CDKAL1: variants seen among roughly 807,000 people sequenced by gnomAD.
CDKAL1 encodes the protein CDKAL1 threonylcarbamoyladenosine tRNA methylthiotransferase.
Under a neutral mutation model 68.2 loss-of-function variants are expected in CDKAL1, and 32 were observed. The observed-to-expected ratio is 0.47, with a 90% confidence interval of 0.35 to 0.63. CDKAL1 has a LOEUF of 0.63. CDKAL1 is among the 30% of genes least tolerant of loss of function. The pLI is 0.00. For missense variants in CDKAL1, 606 were observed against 696.7 expected (o/e 0.87, Z 1.47); for synonymous variants, 234 against 244.3 (o/e 0.96, Z 0.39).
At chr6:20,997,993 G>A (rs1481658157) in intron 10 of CDKAL1, among the ~76,000 whole-genome samples, 3 of 152,126 alleles carry the variant, frequency 2.0e-5, no homozygotes, top group Non-Finnish European at 4.4e-5. Flanking sequence ...AGCCCTATGA[G>A]GTGAATATTA....
chr6:20,585,295 G>A (rs1387291033), intron 4 of CDKAL1, among the ~76,000 whole-genome samples: 3 of 152,036 alleles, frequency 2.0e-5, no homozygotes, highest in South Asian at 2.1e-4. Context: ...CTCGTGATCC[G>A]CCCGCCTTGG....
intron 9 of CDKAL1, among the ~76,000 whole-genome samples, chr6:20,951,540 T>C (rs1764524231): frequency 6.6e-6 from 1 of 152,208 alleles, no homozygotes; most frequent in African/African-American, 2.4e-5. Context: ...GGCTTGTGTT[T>C]CATCTACAGG....
At chr6:20,989,028 T>TATGGCTA (rs1414381340) in intron 10 of CDKAL1, among the ~76,000 whole-genome samples, 3 of 151,854 alleles carry the variant, frequency 2.0e-5, no homozygotes, top group Admixed American at 2.0e-4. Context: ...TCATTGGCCA[T>TATGGCTA]CCCAAGTCAT....
chr6:20,626,710 T>G (rs541378018), intron 4 of CDKAL1, among the ~76,000 whole-genome samples: 157 of 152,280 alleles, frequency 1.0e-3, no homozygotes, highest in Non-Finnish European at 2.0e-3. Context: ...GCAGGGCTAT[T>G]GTTCTGTAAT....
At chr6:20,928,315 C>G (rs1763273339) in intron 9 of CDKAL1, among the ~76,000 whole-genome samples, 1 of 152,160 alleles carries the variant, frequency 6.6e-6, no homozygotes, top group Non-Finnish European at 1.5e-5. Context: ...AACTAGTTTT[C>G]TAGTGGTAAA....
intron 5 of CDKAL1, among the ~76,000 whole-genome samples, chr6:20,680,649 T>G (rs945233904): frequency 5.3e-5 from 8 of 152,244 alleles, no homozygotes; most frequent in African/African-American, 1.9e-4. Flanking sequence ...TTATTAATAC[T>G]GAATGTTATC....
At chr6:21,197,943 C>A in intron 13 of CDKAL1, 78 bp from the exon 14 acceptor site, 1 of 844,988 alleles carries the variant, frequency 1.2e-6, no homozygotes, top group Non-Finnish European at 1.9e-6. Context: ...CCTACCTGGG[C>A]TAGCCTTTAT....
chr6:21,118,450 A>G (rs981004963), intron 13 of CDKAL1, among the ~76,000 whole-genome samples: 21 of 152,220 alleles, frequency 1.4e-4, no homozygotes, highest in African/African-American at 5.1e-4. Context: ...GATGATTACC[A>G]ACCTCCAACA....
intron 9 of CDKAL1, among the ~76,000 whole-genome samples, chr6:20,921,301 C>T (rs1037012727): frequency 1.7e-4 from 26 of 152,094 alleles, no homozygotes; most frequent in Admixed American, 5.2e-4. Context: ...TGGTGGCGTG[C>T]GCCTGTAGTC....
intron 5 of CDKAL1, among the ~76,000 whole-genome samples, chr6:20,684,887 T>A (rs1370154630): frequency 6.6e-6 from 1 of 152,250 alleles, no homozygotes; most frequent in Non-Finnish European, 1.5e-5. Context: ...TGAGTTTTAA[T>A]ATTTCTTCAT....
At chr6:21,096,317 C>T (rs1773312834) in intron 12 of CDKAL1, among the ~76,000 whole-genome samples, 2 of 152,060 alleles carry the variant, frequency 1.3e-5, no homozygotes, top group African/African-American at 4.8e-5. Flanking sequence ...CACTTTTTCC[C>T]TTGGGTGCGA....
At chr6:20,661,058 G>T (rs1195328253) in intron 5 of CDKAL1, among the ~76,000 whole-genome samples, 1 of 152,078 alleles carries the variant, frequency 6.6e-6, no homozygotes, top group Non-Finnish European at 1.5e-5. Flanking sequence ...GAGTGAAAAA[G>T]ATCTAAAAGG....
intron 8 of CDKAL1, among the ~76,000 whole-genome samples, chr6:20,824,554 C>T (rs985734499): frequency 1.1e-4 from 17 of 152,140 alleles, no homozygotes; most frequent in African/African-American, 4.1e-4. Flanking sequence ...AATCAGAGGC[C>T]ACCCTTAGTT....
intron 15 of CDKAL1, among the ~76,000 whole-genome samples, chr6:21,213,726 A>G (rs1039704994): frequency 6.6e-6 from 1 of 152,166 alleles, no homozygotes; most frequent in Admixed American, 6.5e-5. Context: ...AAATGAAACA[A>G]TCTGCCTAAC....
chr6:21,007,088 G>T (rs1044696094), intron 11 of CDKAL1, among the ~76,000 whole-genome samples: 4 of 152,026 alleles, frequency 2.6e-5, no homozygotes, highest in Non-Finnish European at 4.4e-5. Flanking sequence ...AGTACATAGG[G>T]TTAGTATTTT....
intron 12 of CDKAL1, among the ~76,000 whole-genome samples, chr6:21,094,693 T>C (rs957784740): frequency 2.6e-5 from 4 of 152,250 alleles, no homozygotes; most frequent in African/African-American, 9.6e-5. Flanking sequence ...TGGTTGTTAG[T>C]GATAGAAGAA....
chr6:21,070,752 T>G (rs927897606), intron 12 of CDKAL1, among the ~76,000 whole-genome samples: 2 of 152,246 alleles, frequency 1.3e-5, no homozygotes, highest in African/African-American at 4.8e-5. Flanking sequence ...TTGTGCACTT[T>G]GTTCTGTGTT....
intron 12 of CDKAL1, among the ~76,000 whole-genome samples, chr6:21,101,071 A>G (rs1259293914): frequency 6.6e-6 from 1 of 152,228 alleles, no homozygotes; most frequent in East Asian, 1.9e-4. Context: ...ATTCTTGCAT[A>G]GAGAGTCCAT....
At chr6:20,568,106 T>C (rs1317941466) in intron 4 of CDKAL1, among the ~76,000 whole-genome samples, 1 of 151,958 alleles carries the variant, frequency 6.6e-6, no homozygotes, top group Non-Finnish European at 1.5e-5. Flanking sequence ...CTCCGTCTCC[T>C]GACCTCGTGA....
Sources: gnomAD v4.1 joint callset for allele counts (sites outside exome capture counted in the v4.1 genomes callset) on GRCh38, gnomAD v4.1.1 for gene constraint, MANE v1.5 for transcripts, NCBI Gene and HGNC (gene_info 2026-07-23, HGNC 2026-07-21) for gene names.